The following TUSC3 variants were observed in gnomAD, a reference collection of about 807,000 sequenced individuals.
TUSC3 encodes tumor suppressor candidate 3.
A neutral mutation model predicts 44.8 loss-of-function variants in TUSC3; 45 were observed. That is an observed-to-expected ratio of 1.00 (90% confidence interval 0.79 to 1.29). The LOEUF is 1.29. Among genes scored for constraint, TUSC3 ranks in the 50% most tolerant of loss-of-function variants. The pLI, the probability that TUSC3 is intolerant of heterozygous loss-of-function variation, is 0.00. For synonymous variants in TUSC3, 212 were observed against 152.9 expected (o/e 1.39, Z -2.85); for missense variants, 519 against 437.9 (o/e 1.19, Z -1.65).
chr8:15,599,360 T>G (rs1804187906), intron 1 of TUSC3, among the ~76,000 whole-genome samples: 1 of 151,816 alleles, frequency 6.6e-6, no homozygotes, highest in Non-Finnish European at 1.5e-5. Flanking sequence ...GGCAAATATT[T>G]TCTCCCAGTT....
In TUSC3 at chr8:15,764,792, G is replaced by A. The variant is rs1462069780; in HGVS notation, c.*636G>A. ...CTCCTTCTTGAGATCTAAATCTAAA[G>A]TAAATGTGCATTAAAGCAGTGTGCT... On this transcript the variant is annotated 3_prime_UTR_variant, in exon 11 of 11. Transcript: ENST00000503731. 2.0e-5 allele frequency: 3 copies of A among 152,470 alleles called. No homozygotes were observed. The highest frequency in any genetic ancestry group is 6.5e-5 in the Admixed American group (1 of 15,302). The allele number at this position is 152,470 out of a possible 1,614,324, so 9.4% of individuals were successfully genotyped here. A position where few individuals can be genotyped will look rare whatever the true frequency, so the allele number is the denominator to read the frequency against.
upstream of TUSC3, chr8:15,540,211 C>T (rs576253535): frequency 5.4e-5 from 32 of 591,036 alleles, no homozygotes; most frequent in African/African-American, 5.7e-4. Flanking sequence ...CCACTTCCTG[C>T]CCCCATCCCG....
At position 15,660,627 on chromosome 8, in the gene TUSC3, A is replaced by C. The variant is rs189506250; in HGVS notation, c.567+980A>C. Among the ~76,000 whole-genome samples, 576 of 152,062 alleles carry C rather than the reference A, an allele frequency of 3.8e-3. 2 individuals are homozygous for C. The highest frequency in any genetic ancestry group is 0.013 in the African/African-American group (525 of 41,550). On this transcript the variant is annotated intron_variant, in intron 4 of 10. Transcript: ENST00000503731. ...ATATAAACACATTTGTTCTGAGTCAAGGTGGTAATTGCCCACATGGTACCA... is the reference window on the plus strand; with the variant it reads ...ATATAAACACATTTGTTCTGAGTCACGGTGGTAATTGCCCACATGGTACCA...
At chr8:15,548,598 C>T (rs1343988933) in intron 1 of TUSC3, among the ~76,000 whole-genome samples, 2 of 151,834 alleles carry the variant, frequency 1.3e-5, no homozygotes, top group Non-Finnish European at 2.9e-5. Context: ...GATGACATGT[C>T]TTAGCCTTGT....
rs573887591 is a variant in TUSC3, at chr8:15,741,694, T to TA, written c.863-1832dup. 3.6e-3 allele frequency among the ~76,000 whole-genome samples: 517 copies of TA among 145,540 alleles called. 2 individuals are homozygous for TA. Among genetic ancestry groups the TA allele is most frequent in the East Asian group, 0.013 (66 of 5,040 alleles). ...AAAGTGAAACTGTGTCTCTAAAAAT[T>TA]AAAAAAAAAAAATTAAAAAGTCATA... On this transcript the variant is annotated intron_variant, in intron 7 of 10. Transcript: ENST00000503731.
the TUSC3 span, among the ~76,000 whole-genome samples, chr8:15,841,524 T>A: frequency 6.6e-6 from 1 of 152,128 alleles, no homozygotes; most frequent in African/African-American, 2.4e-5. Context: ...ACAAAATTTT[T>A]TTTTTTTTAG....
intron 1 of TUSC3, among the ~76,000 whole-genome samples, chr8:15,433,082 TAAAC>T (rs1476172591): frequency 2.0e-5 from 3 of 152,210 alleles, no homozygotes; most frequent in African/African-American, 4.8e-5. Flanking sequence ...AATCTCCAAA[TAAAC>T]AAATTTTACT....
chr8:15,551,464 A>G (rs6987790), intron 1 of TUSC3, among the ~76,000 whole-genome samples: 3,788 of 151,852 alleles, frequency 0.025, 166 homozygotes, highest in African/African-American at 0.085. Context: ...ATTGAGTTAT[A>G]TGATTCGTGG....
chr8:15,661,789 A>C (rs1037811744), intron 4 of TUSC3, among the ~76,000 whole-genome samples: 1 of 106,462 alleles, frequency 9.4e-6, no homozygotes, highest in East Asian at 2.4e-4. Context: ...TAAGATACTT[A>C]CAGCTAGTTT....
intron 7 of TUSC3, among the ~76,000 whole-genome samples, chr8:15,735,786 G>A (rs1810903027): frequency 6.6e-6 from 1 of 152,250 alleles, no homozygotes; most frequent in Admixed American, 6.5e-5. Flanking sequence ...TGCAAGCTCT[G>A]CCTTCCGGGT....
At chr8:15,613,224 C>T (rs147762641) in intron 1 of TUSC3, among the ~76,000 whole-genome samples, 2,534 of 142,792 alleles carry the variant, frequency 0.018, 75 homozygotes, top group African/African-American at 0.063. Context: ...TGTAACATGT[C>T]TTACAGTGCT....
At chr8:15,743,077 AC>A (rs1363172863) in intron 7 of TUSC3, among the ~76,000 whole-genome samples, 1 of 152,218 alleles carries the variant, frequency 6.6e-6, no homozygotes, top group African/African-American at 2.4e-5. Context: ...TTTTCAAGTG[AC>A]ATGATACCGG....
chr8:15,417,963 T>G (rs1329366707), intron 1 of TUSC3, among the ~76,000 whole-genome samples: 2 of 152,148 alleles, frequency 1.3e-5, no homozygotes, highest in Admixed American at 1.3e-4. Flanking sequence ...CAGAAACAAT[T>G]ATTAAAACTC....
At chr8:15,512,816 TGG>T (rs1436494366) in intron 2 of TUSC3, among the ~76,000 whole-genome samples, 3 of 20,504 alleles carry the variant, frequency 1.5e-4, no homozygotes, top group East Asian at 2.1e-3. Context: ...CATTCTGTCT[TGG>T]GGTGTGTGTG....
intron 1 of TUSC3, among the ~76,000 whole-genome samples, chr8:15,568,789 A>G (rs1244839108): frequency 1.3e-5 from 2 of 152,078 alleles, no homozygotes; most frequent in Non-Finnish European, 2.9e-5. Context: ...AAAAAAATGT[A>G]AATTCTTATT....
chr8:15,589,234 A>G (rs942252449), intron 1 of TUSC3, among the ~76,000 whole-genome samples: 2 of 152,164 alleles, frequency 1.3e-5, no homozygotes, highest in African/African-American at 2.4e-5. Flanking sequence ...TGTAGGCAGC[A>G]TACGTCCAGA....
At chr8:15,438,447 C>G (rs116329597) in intron 1 of TUSC3, among the ~76,000 whole-genome samples, 20 of 151,834 alleles carry the variant, frequency 1.3e-4, no homozygotes, top group African/African-American at 4.8e-4. Context: ...TGCATGGTGC[C>G]TGGTATAGTC....
At chr8:15,470,233 T>C (rs181963375) in intron 1 of TUSC3, among the ~76,000 whole-genome samples, 2 of 140,308 alleles carry the variant, frequency 1.4e-5, no homozygotes, top group Non-Finnish European at 3.0e-5. Flanking sequence ...CACTCCAGCC[T>C]GGGCAACAGA....
chr8:15,564,364 C>G (rs546760174), intron 1 of TUSC3, among the ~76,000 whole-genome samples: 6 of 152,082 alleles, frequency 3.9e-5, no homozygotes, highest in African/African-American at 1.4e-4. Flanking sequence ...CAAATCTTAA[C>G]GTCATCCAGC....
Sources: allele counts gnomAD v4.1 joint callset (sites outside exome capture counted in the v4.1 genomes callset), GRCh38; gene constraint gnomAD v4.1.1; transcripts MANE v1.5; gene names NCBI Gene and HGNC (gene_info 2026-07-23, HGNC 2026-07-21).